Variants in LMX1B observed in about 807,000 individuals in gnomAD.
LMX1B encodes the protein LIM homeobox transcription factor 1-beta.
Under a neutral mutation model 51.4 loss-of-function variants are expected in LMX1B, and 12 were observed. The observed-to-expected ratio is 0.23, with a 90% CI of 0.15 to 0.38. LMX1B has a LOEUF of 0.38. Among genes scored for constraint, LMX1B ranks in the 10% least tolerant of loss-of-function variants. The pLI is 1.00. For missense variants in LMX1B, 445 were observed against 571.1 expected, an observed-to-expected ratio of 0.78 and a Z score of 2.25; for synonymous variants, 237 against 235.4, an observed-to-expected ratio of 1.01 and a Z score of -0.06.
intron 2 of LMX1B, among the ~76,000 whole-genome samples, chr9:126,666,880 G>C (rs1836351309): frequency 6.6e-6 from 1 of 152,216 alleles, no homozygotes; most frequent in South Asian, 2.1e-4. Flanking sequence ...TGGGCGAAGG[G>C]TTCGAGGTTT....
rs1376289776 is a variant in LMX1B at position 126,691,260 on chromosome 9, C to T, written c.559+192C>T. ...GTGCACATGATACGAACATGCATCC[C>T]CCCAGGCACACTACCCCTGAGACCT... is the stretch of plus-strand genomic sequence containing the variant. On this transcript the variant is annotated intron_variant, in intron 3 of 7. Coordinates refer to ENST00000373474, the MANE Select transcript of LMX1B (RefSeq NM_001174147.2). Among the ~76,000 whole-genome samples the T allele has an allele frequency of 2.0e-5, 3 of 152,096 alleles. No homozygotes were observed. In the East Asian group the frequency reaches 5.8e-4, roughly 29 times the overall value.
intron 2 of LMX1B, among the ~76,000 whole-genome samples, chr9:126,644,469 C>CG (rs1473373144): frequency 6.6e-6 from 1 of 152,122 alleles, no homozygotes; most frequent in African/African-American, 2.4e-5. Context: ...TTCTCTAGGA[C>CG]GGGGGTAGGG....
chr9:126,693,907 G>A, intron 6 of LMX1B, 95 bp downstream of exon 6: 1 of 674,422 alleles, frequency 1.5e-6, no homozygotes, highest in Admixed American at 2.3e-5. Flanking sequence ...AGAGGCTGGG[G>A]CTGGGTGAGC....
chr9:126,648,763 G>A (rs915998630), intron 2 of LMX1B, among the ~76,000 whole-genome samples: 3 of 152,166 alleles, frequency 2.0e-5, no homozygotes, highest in Non-Finnish European at 4.4e-5. Flanking sequence ...GGGGTGGCAA[G>A]GCTGCCTAGG....
chr9:126,636,266 G>C (rs1020798145), intron 2 of LMX1B, among the ~76,000 whole-genome samples: 1 of 152,212 alleles, frequency 6.6e-6, no homozygotes, highest in East Asian at 1.9e-4. Flanking sequence ...ACAGGGCATT[G>C]TGGTCCCAGA....
intron 2 of LMX1B, among the ~76,000 whole-genome samples, chr9:126,663,247 T>C (rs1271875443): frequency 6.6e-6 from 1 of 151,658 alleles, no homozygotes; most frequent in African/African-American, 2.4e-5. Flanking sequence ...ACCAACATGG[T>C]GAAACCCCAT....
chr9:126,692,842 C>T (rs1169317595), intron 3 of LMX1B, among the ~76,000 whole-genome samples: 1 of 152,196 alleles, frequency 6.6e-6, no homozygotes, highest in Admixed American at 6.5e-5. Context: ...TGTGGTTGTC[C>T]GAGGCGCACC....
rs140784982 is a variant in LMX1B at position 126,688,641 on chromosome 9, G to C, written c.327-2195G>C. On this transcript the variant is annotated intron_variant, in intron 2 of 7. Transcript: ENST00000373474. ...AGCCAGCCAGATTCCTAGGGCCTCT[G>C]CCTAAAGCTGTCACTGACAGTTGGG... Among the ~76,000 whole-genome samples the C allele has an allele frequency of 8.3e-4, 127 of 152,324 alleles. No homozygotes were observed. In the East Asian group the frequency reaches 0.021, roughly 25 times the overall value.
intron 2 of LMX1B, among the ~76,000 whole-genome samples, chr9:126,670,853 G>A (rs769820056): frequency 1.3e-5 from 2 of 152,188 alleles, no homozygotes; most frequent in South Asian, 4.1e-4. Flanking sequence ...TCTTAAAGTC[G>A]CAGTTCCCAA....
chr9:126,615,121 C>T lies in LMX1B; in HGVS notation c.140-262C>T, dbSNP rs1348747589. Among the ~76,000 whole-genome samples, 2 of 152,156 alleles carry T rather than the reference C, an allele frequency of 1.3e-5. No homozygotes were observed. Among genetic ancestry groups the T allele is most frequent in the East Asian group, 2.0e-4 (1 of 5,124 alleles). On this transcript the variant is annotated intron_variant, in intron 1 of 7. Coordinates refer to ENST00000373474, the MANE Select transcript of LMX1B (RefSeq NM_001174147.2). This position sits in a 1 kb window ranked among gnomAD's most constrained non-coding sequence, Gnocchi z 6.0. ...TTGTCATTTGTCTTAACACGGAGCG[C>T]GGATTCTCCGGAGAAGGGGAGAGCA... is the stretch of plus-strand genomic sequence containing the variant.
intron 2 of LMX1B, among the ~76,000 whole-genome samples, chr9:126,667,386 T>C (rs1044363962): frequency 6.6e-6 from 1 of 152,236 alleles, no homozygotes; most frequent in African/African-American, 2.4e-5. Context: ...TGACAGCCCT[T>C]TGGGCAGCTG....
rs1564145908 is a variant in LMX1B at position 126,621,652 on chromosome 9, C to CCTTTTTTTTTTTTTTTTT, written c.326+6083_326+6084insCTTTTTTTTTTTTTTTTT. 3.0e-5 allele frequency among the ~76,000 whole-genome samples: 3 copies of CCTTTTTTTTTTTTTTTTT among 100,306 alleles called. 1 individual carries two copies. Among genetic ancestry groups the CCTTTTTTTTTTTTTTTTT allele is most frequent in the Non-Finnish European group, 1.9e-5 (1 of 54,022 alleles). The allele number at this position is 100,306 out of a possible 152,430, so 65.8% of individuals were successfully genotyped here. ...CTATAGGGTTTTTCTCTCTCTCTCT[C>CCTTTTTTTTTTTTTTTTT]TTCTTTTTTTTTTTTTTTTTTTTTT... On this transcript the variant is annotated intron_variant, in intron 2 of 7. Coordinates refer to ENST00000373474, the MANE Select transcript of LMX1B (RefSeq NM_001174147.2).
At chr9:126,637,729 G>C (rs1167688787) in intron 2 of LMX1B, among the ~76,000 whole-genome samples, 3 of 152,000 alleles carry the variant, frequency 2.0e-5, no homozygotes, top group Non-Finnish European at 4.4e-5. Context: ...AGCCAGCCCA[G>C]GTTTCGGCGG....
rs1458243414 is a variant in LMX1B, at chr9:126,671,614, G to T, written c.327-19222G>T. Among the ~76,000 whole-genome samples, 8 of 152,250 alleles carry T rather than the reference G, an allele frequency of 5.3e-5. No individual in the cohort carries two copies. The highest frequency in any genetic ancestry group is 1.9e-4 in the African/African-American group (8 of 41,466). On this transcript the variant is annotated intron_variant, in intron 2 of 7. Transcript: ENST00000373474. This position sits in a 1 kb window ranked among gnomAD's most constrained non-coding sequence, Gnocchi z 4.4. ...CGGGGCACTGCTCCAGGCCGGCTCTGGCTCTCTAATCCTGTATCTTTTGAA... is the reference window on the plus strand; with the variant it reads ...CGGGGCACTGCTCCAGGCCGGCTCTTGCTCTCTAATCCTGTATCTTTTGAA...
chr9:126,649,835 C>T (rs1408003094), intron 2 of LMX1B, among the ~76,000 whole-genome samples: 1 of 152,070 alleles, frequency 6.6e-6, no homozygotes, highest in Non-Finnish European at 1.5e-5. Context: ...GCCATCTTTC[C>T]CAGGCTAGTC....
rs1001981703 is a variant in LMX1B, at chr9:126,673,659, G to A, written c.327-17177G>A. 5.9e-5 allele frequency among the ~76,000 whole-genome samples: 9 copies of A among 152,248 alleles called. No individual in the cohort carries two copies. Among genetic ancestry groups the A allele is most frequent in the Admixed American group, 1.3e-4 (2 of 15,302 alleles). On this transcript the variant is annotated intron_variant, in intron 2 of 7. Transcript: ENST00000373474. This position sits in a 1 kb window ranked among gnomAD's most constrained non-coding sequence, Gnocchi z 4.4. The stretch of plus-strand genomic sequence containing the variant: ...CCACTCTGGGCAGAGAGGGGGCATC[G>A]GGGGCATGGCTAGGGGCCAGCACTG...
intron 4 of LMX1B, 48 bp from the exon 5 acceptor site, chr9:126,693,476 C>G: frequency 6.3e-7 from 1 of 1,598,392 alleles, no homozygotes; most frequent in South Asian, 1.1e-5. Context: ...ACCATCTCCC[C>G]GTTGCTGCCC....
rs1334498677 is a variant in LMX1B at position 126,677,506 on chromosome 9, C to T, written c.327-13330C>T. ...TCTCTGGGTCATTTGCTTCCCAGTC[C>T]CCAACTACCTTTCCAACCTCCAGGA... On this transcript the variant is annotated intron_variant, in intron 2 of 7. Transcript: ENST00000373474. The surrounding 1 kb of genome is among the most constrained non-coding windows in gnomAD (Gnocchi z 5.0). Among the ~76,000 whole-genome samples the T allele has an allele frequency of 6.6e-6, 1 of 152,182 alleles. No homozygotes were observed. Among genetic ancestry groups the T allele is most frequent in the Non-Finnish European group, 1.5e-5 (1 of 68,036 alleles).
chr9:126,635,942 G>T (rs1454603011), intron 2 of LMX1B, among the ~76,000 whole-genome samples: 1 of 152,198 alleles, frequency 6.6e-6, no homozygotes, highest in African/African-American at 2.4e-5. Context: ...GCAGGGAGAG[G>T]CGTCCCACTC....
Sources: allele counts gnomAD v4.1 joint callset (sites outside exome capture counted in the v4.1 genomes callset), GRCh38; gene constraint gnomAD v4.1.1; non-coding constraint Gnocchi (gnomAD v3.1); transcripts MANE v1.5; gene names NCBI Gene and HGNC (gene_info 2026-07-23, HGNC 2026-07-21).